The following TENM4 variants were observed in gnomAD, a reference collection of about 807,000 sequenced individuals.
The protein encoded by TENM4 is teneurin transmembrane protein 4, also known as teneurin-4.
Under a neutral mutation model 243.3 loss-of-function variants are expected in TENM4, and 82 were observed. That is an observed-to-expected ratio of 0.34 (90% CI 0.28 to 0.40). The LOEUF (loss-of-function observed/expected upper bound fraction) is 0.40, where lower values mean the gene tolerates loss of function less well. Ranked by LOEUF, TENM4 falls within the 10% of genes least tolerant of loss-of-function variation. The pLI, the probability that TENM4 is intolerant of heterozygous loss-of-function variation, is 1.00. For synonymous variants in TENM4, 1,412 were observed against 1,456.3 expected, an observed-to-expected ratio of 0.97 and a Z score of 0.69; for missense variants, 3,138 against 3,673.3, an observed-to-expected ratio of 0.85 and a Z score of 3.77.
intron 9 of TENM4, among the ~76,000 whole-genome samples, chr11:78,864,669 G>C (rs1323939037): frequency 6.6e-6 from 1 of 152,096 alleles, no homozygotes. Context: ...CTTGTCAGTG[G>C]TTCAGGCTCC....
chr11:78,849,104 A>G (rs1158233971), intron 12 of TENM4, among the ~76,000 whole-genome samples: 1 of 152,212 alleles, frequency 6.6e-6, no homozygotes, highest in African/African-American at 2.4e-5. Context: ...CATTGCCACA[A>G]TGTCAGGCTG....
At chr11:79,395,205 T>G (rs1448030013) in intron 1 of TENM4, among the ~76,000 whole-genome samples, 1 of 152,160 alleles carries the variant, frequency 6.6e-6, no homozygotes, top group Non-Finnish European at 1.5e-5. Context: ...TTCCTACATC[T>G]CCTGCCATCT....
In TENM4 at chr11:78,708,469, G is replaced by A. The variant is rs1859310402; in HGVS notation, c.4101C>T (p.Thr1367=). The stretch of plus-strand genomic sequence containing the variant: ...CATTCTGATCGATGCGTCTGATCAT[G>A]GTGCCATCCACGAAGTAGATCAGCC... The part of the protein sequence containing the change: ...KFGLIYFVDG[T]MIRRIDQNGI... The change falls in exon 27 of 34, where the codon ACC becomes ACT. Residue 1367 remains threonine, a synonymous_variant. Coordinates refer to ENST00000278550, the MANE Select transcript of TENM4 (RefSeq NM_001098816.3). 1.2e-6 allele frequency: 2 copies of A among 1,614,014 alleles called. No homozygotes were observed. The highest frequency in any genetic ancestry group is 1.7e-6 in the Non-Finnish European group (2 of 1,179,896).
intron 2 of TENM4, among the ~76,000 whole-genome samples, chr11:79,219,091 C>T (rs571638648): frequency 1.3e-5 from 2 of 152,276 alleles, no homozygotes; most frequent in South Asian, 2.1e-4. Context: ...ATGGAGAGAT[C>T]GCCATGGCTG....
chr11:79,263,151 AG>A (rs979221930), intron 2 of TENM4, among the ~76,000 whole-genome samples: 1 of 152,206 alleles, frequency 6.6e-6, no homozygotes, highest in African/African-American at 2.4e-5. Flanking sequence ...GACCAATAAA[AG>A]CCCTCCCGTT....
intron 28 of TENM4, among the ~76,000 whole-genome samples, chr11:78,698,831 G>A (rs1859036247): frequency 6.6e-6 from 1 of 152,222 alleles, no homozygotes; most frequent in South Asian, 2.1e-4. Context: ...GAAAATAGGT[G>A]TCTGGCACCC....
At chr11:79,265,303 A>G (rs976275647) in intron 2 of TENM4, among the ~76,000 whole-genome samples, 3 of 152,142 alleles carry the variant, frequency 2.0e-5, no homozygotes, top group South Asian at 2.1e-4. Flanking sequence ...TCAGTTTCAC[A>G]TTGCGTGATA....
At chr11:78,942,830 A>T (rs77342008) in intron 6 of TENM4, among the ~76,000 whole-genome samples, 1 of 143,738 alleles carries the variant, frequency 7.0e-6, no homozygotes, top group East Asian at 2.0e-4. Context: ...AAAAAAAAAA[A>T]GGCTCAGTGA....
chr11:79,225,686 C>G (rs925854188), intron 2 of TENM4, among the ~76,000 whole-genome samples: 3 of 152,074 alleles, frequency 2.0e-5, no homozygotes, highest in Non-Finnish European at 4.4e-5. Flanking sequence ...GCCACATTGC[C>G]CAGACTGGTC....
intron 18 of TENM4, among the ~76,000 whole-genome samples, chr11:78,766,384 G>C (rs147097574): frequency 5.8e-4 from 89 of 152,298 alleles, no homozygotes; most frequent in Non-Finnish European, 1.1e-3. Flanking sequence ...CCCTATAAGA[G>C]GATAAAATCA....
intron 30 of TENM4, among the ~76,000 whole-genome samples, chr11:78,674,287 G>T (rs1432314641): frequency 2.6e-5 from 4 of 152,172 alleles, no homozygotes; most frequent in Non-Finnish European, 4.4e-5. Flanking sequence ...CTCCATTATG[G>T]GGAGGCACAC....
chr11:79,256,720 G>C (rs1277951645), intron 2 of TENM4, among the ~76,000 whole-genome samples: 2 of 152,170 alleles, frequency 1.3e-5, no homozygotes, highest in African/African-American at 4.8e-5. Flanking sequence ...AACTTTTAAA[G>C]GTCCTGTCTC....
chr11:78,885,960 A>G (rs1175665046), intron 9 of TENM4, among the ~76,000 whole-genome samples: 1 of 152,158 alleles, frequency 6.6e-6, no homozygotes, highest in Non-Finnish European at 1.5e-5. Context: ...CTAAATGTCA[A>G]ATGAATCTGT....
Position 78,856,169 on chromosome 11 carries a change from C to T in TENM4, c.1265G>A (p.Ser422Asn). 9.0e-6 allele frequency: 14 copies of T among 1,551,424 alleles called. No individual in the cohort carries two copies. The highest frequency in any genetic ancestry group is 1.2e-5 in the Non-Finnish European group (14 of 1,146,812). Residue 422 changes from serine to asparagine, a missense_variant, in exon 11 of 34, where the codon AGT (serine) becomes AAT (asparagine). By Grantham distance (46) the Ser-to-Asn change is conservative. Around this residue, in one of 2 missense-constraint regions of TENM4, gnomAD observed 671 missense variants for 614.1 expected, o/e 1.09. Coordinates refer to ENST00000278550, the MANE Select transcript of TENM4 (RefSeq NM_001098816.3). ...KGKGTTEGKP[S>N]SFFPEDSFID... Reference sequence around the variant, plus strand: ...GAAACTGTCCTCTGGAAAGAAACTACTGGGCTTTCCTACCAAGATAGAGGG... The same window carrying T: ...GAAACTGTCCTCTGGAAAGAAACTATTGGGCTTTCCTACCAAGATAGAGGG...
At chr11:79,022,914 A>G (rs1858973249) in intron 6 of TENM4, among the ~76,000 whole-genome samples, 1 of 152,226 alleles carries the variant, frequency 6.6e-6, no homozygotes. Context: ...TCTAATTATT[A>G]CAATAACCCT....
At chr11:78,690,866 C>T (rs1487804724) in intron 28 of TENM4, among the ~76,000 whole-genome samples, 3 of 152,192 alleles carry the variant, frequency 2.0e-5, no homozygotes, top group African/African-American at 7.2e-5. Context: ...CCTGTAATCC[C>T]TGTACATACT....
intron 1 of TENM4, among the ~76,000 whole-genome samples, chr11:79,355,545 C>A (rs1323337289): frequency 6.6e-6 from 1 of 152,118 alleles, no homozygotes. Flanking sequence ...AACAAACAAA[C>A]AAACAAAACA....
rs1024950437 is a variant in TENM4 at position 78,994,559 on chromosome 11, G to T, written c.493+70179C>A. Among the ~76,000 whole-genome samples, 3 of 152,204 alleles carry T rather than the reference G, an allele frequency of 2.0e-5. No homozygotes were observed. In the East Asian group the frequency reaches 5.8e-4, roughly 29 times the overall value. On this transcript the variant is annotated intron_variant, in intron 6 of 33. Coordinates refer to ENST00000278550, the MANE Select transcript of TENM4 (RefSeq NM_001098816.3). ...CTCTTGGAAGCCATAGCTTTGTGCTGCCTTTTATCTAAAATCAGAAAATAG... is the reference window on the plus strand; with the variant it reads ...CTCTTGGAAGCCATAGCTTTGTGCTTCCTTTTATCTAAAATCAGAAAATAG...
intron 10 of TENM4, among the ~76,000 whole-genome samples, chr11:78,861,356 G>C (rs930291076): frequency 3.3e-5 from 5 of 152,216 alleles, no homozygotes; most frequent in African/African-American, 1.2e-4. Flanking sequence ...CCCAGAAAGT[G>C]TGTTCAAGGG....
Sources: allele counts gnomAD v4.1 joint callset (sites outside exome capture counted in the v4.1 genomes callset), GRCh38; gene constraint gnomAD v4.1.1; regional missense constraint gnomAD v4.1.1; transcripts MANE v1.5; gene names NCBI Gene and HGNC (gene_info 2026-07-23, HGNC 2026-07-21).